The following KBTBD11 variants were observed in gnomAD, a reference collection of about 807,000 sequenced individuals.
KBTBD11 encodes kelch repeat and BTB domain containing 11, also known as kelch repeat and BTB domain-containing protein 11.
For missense variants in KBTBD11, 1,390 were observed against 1,001.8 expected (o/e 1.39, Z -5.23); for synonymous variants, 747 against 499.0 (o/e 1.50, Z -6.63).
chr8:1,997,748 GGT>G (rs1563375371), intron 1 of KBTBD11, among the ~76,000 whole-genome samples: 1 of 152,232 alleles, frequency 6.6e-6, no homozygotes, highest in East Asian at 1.9e-4. Flanking sequence ...TCAATGCAGT[GGT>G]GTCTGAGAGG....
In KBTBD11 at chr8:1,998,500, C is replaced by G. The variant is rs139132920; in HGVS notation, c.-908-1785C>G. 3.4e-3 allele frequency among the ~76,000 whole-genome samples: 516 copies of G among 152,336 alleles called. 3 individuals carry two copies. The highest frequency in any genetic ancestry group is 0.012 in the African/African-American group (480 of 41,570). The stretch of plus-strand genomic sequence containing the variant: ...ACTGATTGCATGACTTCCCTTCAGT[C>G]TGTAATGATTAATTACATAAAGATG... On this transcript the variant is annotated intron_variant, in intron 1 of 1. Coordinates refer to ENST00000320248, the MANE Select transcript of KBTBD11 (RefSeq NM_014867.3).
chr8:1,991,581 G>A (rs1415843411), intron 1 of KBTBD11, among the ~76,000 whole-genome samples: 1 of 151,342 alleles, frequency 6.6e-6, no homozygotes, highest in Non-Finnish European at 1.5e-5. Flanking sequence ...TCCTGCATCA[G>A]CCCAGAGGCC....
intron 1 of KBTBD11, among the ~76,000 whole-genome samples, chr8:1,986,861 T>C (rs772438747): frequency 2.6e-5 from 4 of 152,136 alleles, no homozygotes; most frequent in Non-Finnish European, 5.9e-5. Flanking sequence ...GCTTCAAATA[T>C]TTTTTGTTTG....
Position 2,003,817 on chromosome 8 carries a change from T to G in KBTBD11, c.*753T>G, listed in dbSNP as rs1817489015. 1 of 166,950 alleles carries G rather than the reference T, an allele frequency of 6.0e-6. No individual in the cohort carries two copies. Among genetic ancestry groups the G allele is most frequent in the East Asian group, 1.9e-4 (1 of 5,194 alleles). The allele number at this position is 166,950 out of a possible 1,614,324, so 10.3% of individuals were successfully genotyped here. ...AGCGATGATTTACCATTATTTAAAT[T>G]TTAAGTCTTCAGTGGCTAAATGTGA... On this transcript the variant is annotated 3_prime_UTR_variant, in exon 2 of 2. Coordinates refer to ENST00000320248, the MANE Select transcript of KBTBD11 (RefSeq NM_014867.3).
At chr8:1,983,658 A>G (rs1585727974) in intron 1 of KBTBD11, among the ~76,000 whole-genome samples, 2 of 152,168 alleles carry the variant, frequency 1.3e-5, no homozygotes, top group Admixed American at 1.3e-4. Context: ...AAGACCATGA[A>G]TGTTGAAATG....
chr8:1,974,340 C>T (rs1036636292), intron 1 of KBTBD11: 11 of 984,558 alleles, frequency 1.1e-5, no homozygotes, highest in Non-Finnish European at 1.3e-5. Flanking sequence ...TCACCGCCCC[C>T]GCCGAGGGTC....
chr8:1,973,926 C>G lies in KBTBD11; in HGVS notation c.-918C>G, dbSNP rs1816212086. ...CCCGGGCCCGGCGGCTGAAGAGGAGCCGCGGCGAGGTAGGGCGGACCCCGG... is the reference window on the plus strand; with the variant it reads ...CCCGGGCCCGGCGGCTGAAGAGGAGGCGCGGCGAGGTAGGGCGGACCCCGG... On this transcript the variant is annotated 5_prime_UTR_variant, in exon 1 of 2. Transcript: ENST00000320248. The G allele has an allele frequency of 1.0e-6, 1 of 982,454 alleles. No individual in the cohort carries two copies. Among genetic ancestry groups the G allele is most frequent in the Middle Eastern group, 5.2e-4 (1 of 1,910 alleles). 60.9% of individuals were successfully genotyped at this position (982,454 alleles called of 1,614,324 possible). A position where few individuals can be genotyped will look rare whatever the true frequency, so the allele number is the denominator to read the frequency against.
chr8:1,974,680 C>A (rs934287240), intron 1 of KBTBD11: 9 of 985,372 alleles, frequency 9.1e-6, no homozygotes, highest in Non-Finnish European at 1.1e-5. Flanking sequence ...GCTGGGGAGA[C>A]CCCCGGGCGG....
At position 2,002,142 on chromosome 8, in the gene KBTBD11, G is replaced by A; in HGVS notation, c.950G>A (p.Gly317Glu). 1 of 1,170,116 alleles carries A rather than the reference G, an allele frequency of 8.5e-7. No individual in the cohort carries two copies. Among genetic ancestry groups the A allele is most frequent in the Non-Finnish European group, 1.1e-6 (1 of 951,422 alleles). The allele number at this position is 1,170,116 out of a possible 1,614,324, so 72.5% of individuals were successfully genotyped here. A position where few individuals can be genotyped will look rare whatever the true frequency, so the allele number is the denominator to read the frequency against. ...RAGSRPQSPS[G>E]DADARGDAAV... is the part of the protein sequence containing the mutation. ...GGCAGCCGGCCTCAGAGCCCCTCGG[G>A]GGACGCGGACGCGCGCGGGGACGCG... The change falls in exon 2 of 2, where the codon GGG (glycine) becomes GAG (glutamate). Residue 317 changes from glycine (G) to glutamate (E), a missense_variant. By Grantham distance (98) the Gly-to-Glu change is moderately conservative. Transcript: ENST00000320248. This position sits in a 1 kb window ranked among gnomAD's most constrained non-coding sequence, Gnocchi z 4.1.
At position 2,001,817 on chromosome 8, in the gene KBTBD11, G is replaced by A; in HGVS notation, c.625G>A (p.Ala209Thr). The A allele has an allele frequency of 8.2e-7, 1 of 1,221,994 alleles. No individual in the cohort carries two copies. 75.7% of individuals were successfully genotyped at this position (1,221,994 alleles called of 1,614,324 possible). A position where few individuals can be genotyped will look rare whatever the true frequency, so the allele number is the denominator to read the frequency against. ...GCCCGACAACGTGGCCGAGGTGGTGGCCGGCGCGCGCCGCCTGCAGCTGCC... is the reference window on the plus strand; with the variant it reads ...GCCCGACAACGTGGCCGAGGTGGTGACCGGCGCGCGCCGCCTGCAGCTGCC... ...VRPDNVAEVV[A>T]GARRLQLPGA... The change falls in exon 2 of 2, where the codon GCC (alanine) becomes ACC (threonine). Residue 209 changes from alanine (A) to threonine (T), a missense_variant. By Grantham distance (58) the Ala-to-Thr change is moderately conservative (BLOSUM62 0). Coordinates refer to ENST00000320248, the MANE Select transcript of KBTBD11 (RefSeq NM_014867.3).
chr8:1,991,397 C>A (rs1445402809), intron 1 of KBTBD11, among the ~76,000 whole-genome samples: 2 of 152,236 alleles, frequency 1.3e-5, no homozygotes, highest in African/African-American at 4.8e-5. Flanking sequence ...AGCGAACTTA[C>A]CTCAGACGCC....
chr8:2,002,155 G>C lies in KBTBD11; in HGVS notation c.963G>C (p.Ala321=). The C allele has an allele frequency of 1.7e-6, 2 of 1,187,956 alleles. No homozygotes were observed. The highest frequency in any genetic ancestry group is 2.1e-6 in the Non-Finnish European group (2 of 962,360). The allele number at this position is 1,187,956 out of a possible 1,614,324, so 73.6% of individuals were successfully genotyped here. ...RPQSPSGDAD[A]RGDAAVYCFH... is the part of the protein sequence containing the mutation. Reference sequence around the variant, plus strand: ...AGAGCCCCTCGGGGGACGCGGACGCGCGCGGGGACGCGGCCGTCTACTGCT... The same window carrying C: ...AGAGCCCCTCGGGGGACGCGGACGCCCGCGGGGACGCGGCCGTCTACTGCT... The change falls in exon 2 of 2, where the codon GCG becomes GCC. Residue 321 remains alanine, a synonymous_variant. Transcript: ENST00000320248. The surrounding 1 kb of genome is among the most constrained non-coding windows in gnomAD (Gnocchi z 4.1).
Position 2,001,381 on chromosome 8 carries a change from C to G in KBTBD11, c.189C>G (p.Thr63=). ...SLASAAEGAA[T]SPPSSGGPRV... ...CCTCAGCGGCGGAAGGCGCGGCCAC[C>G]TCCCCGCCCTCCAGCGGTGGCCCGC... is the stretch of plus-strand genomic sequence containing the variant. The change falls in exon 2 of 2, where the codon ACC becomes ACG. Residue 63 remains threonine (T), a synonymous_variant. Transcript: ENST00000320248. 6.9e-7 allele frequency: 1 copy of G among 1,456,724 alleles called. No individual in the cohort carries two copies. The highest frequency in any genetic ancestry group is 1.3e-5 in the South Asian group (1 of 75,246). 90.2% of individuals were successfully genotyped at this position (1,456,724 alleles called of 1,614,324 possible).
At chr8:1,984,446 C>G (rs908716180) in intron 1 of KBTBD11, among the ~76,000 whole-genome samples, 4 of 151,918 alleles carry the variant, frequency 2.6e-5, no homozygotes, top group African/African-American at 9.7e-5. Flanking sequence ...CCGCACCACA[C>G]CTGGCTAATT....
chr8:1,985,908 C>T (rs2129310951), intron 1 of KBTBD11, among the ~76,000 whole-genome samples: 1 of 152,366 alleles, frequency 6.6e-6, no homozygotes, highest in South Asian at 2.1e-4. Flanking sequence ...TGTTCCCATT[C>T]AGTCTCAAGG....
intron 1 of KBTBD11, among the ~76,000 whole-genome samples, chr8:1,980,873 C>T (rs896263709): frequency 2.6e-5 from 4 of 152,198 alleles, no homozygotes; most frequent in Non-Finnish European, 4.4e-5. Context: ...CCACAGAAAG[C>T]CTGCCTGCTT....
Position 2,002,311 on chromosome 8 carries a change from C to T in KBTBD11, c.1119C>T (p.Asp373=), listed in dbSNP as rs1046431698. 5.2e-5 allele frequency: 71 copies of T among 1,363,086 alleles called. No individual in the cohort carries two copies. The highest frequency in any genetic ancestry group is 5.5e-5 in the Non-Finnish European group (59 of 1,066,572). 84.4% of individuals were successfully genotyped at this position (1,363,086 alleles called of 1,614,324 possible). ...GCGGCGTGGCGCCCGCGGGCCCCGA[C>T]GGCCGCGCGCGCCCGTCCGACCAGG... The part of the protein sequence containing the change: ...VAGGVAPAGP[D]GRARPSDQVF... Residue 373 remains aspartate (D), a synonymous_variant, in exon 2 of 2, where the codon GAC becomes GAT. Coordinates refer to ENST00000320248, the MANE Select transcript of KBTBD11 (RefSeq NM_014867.3). This position sits in a 1 kb window ranked among gnomAD's most constrained non-coding sequence, Gnocchi z 4.1.
intron 1 of KBTBD11, among the ~76,000 whole-genome samples, chr8:1,977,127 A>G (rs776917415): frequency 3.3e-5 from 5 of 150,468 alleles, no homozygotes; most frequent in Admixed American, 1.3e-4. Flanking sequence ...GTGTTAGTCT[A>G]TTTTATGTGT....
At chr8:1,984,166 A>C (rs866767037) in intron 1 of KBTBD11, among the ~76,000 whole-genome samples, 16 of 149,586 alleles carry the variant, frequency 1.1e-4, no homozygotes, top group Non-Finnish European at 2.2e-4. Flanking sequence ...GGCCAGTCAC[A>C]GTGGCCCATG....
Sources: gnomAD v4.1 joint callset for allele counts (sites outside exome capture counted in the v4.1 genomes callset) on GRCh38, gnomAD v4.1.1 for gene constraint, Gnocchi (gnomAD v3.1) non-coding constraint, MANE v1.5 for transcripts, NCBI Gene and HGNC (gene_info 2026-07-23, HGNC 2026-07-21) for gene names.